Variants in PCF11 observed in about 807,000 individuals in gnomAD.
PCF11 encodes PCF11 cleavage and polyadenylation factor subunit.
In PCF11, 19 loss-of-function variants were observed where a neutral mutation model predicts 166.1. The observed-to-expected ratio is 0.11, with a 90% CI of 0.08 to 0.17. The LOEUF (loss-of-function observed/expected upper bound fraction) is 0.17. PCF11 is among the 10% of genes least tolerant of loss of function. The pLI is 1.00. For missense variants in PCF11, 1,565 were observed against 1,855.5 expected, an observed-to-expected ratio of 0.84 and a Z score of 2.88; for synonymous variants, 663 against 644.1, an observed-to-expected ratio of 1.03 and a Z score of -0.44.
At chr11:83,162,820 G>C (rs2135418362) in intron 2 of PCF11, among the ~76,000 whole-genome samples, 1 of 152,246 alleles carries the variant, frequency 6.6e-6, no homozygotes, top group Non-Finnish European at 1.5e-5. Flanking sequence ...TGTTGCCCAA[G>C]CTGGAGTGCA....
exon 8 of PCF11, chr11:83,169,305 G>T (rs771713621): frequency 1.3e-5 from 21 of 1,611,632 alleles, no homozygotes; most frequent in Non-Finnish European, 1.7e-5. Flanking sequence ...GTCAGCCAGG[G>T]GTTGGTATCA....
chr11:83,164,017 G>A (rs571181701), intron 3 of PCF11, 150 bp downstream of exon 3: 6 of 607,274 alleles, frequency 9.9e-6, no homozygotes, highest in African/African-American at 7.6e-5. Context: ...TATATGTTTG[G>A]AATTTTTATT....
exon 8 of PCF11, chr11:83,168,942 A>AGGCCAGCCTGTGGGT: frequency 6.2e-7 from 1 of 1,613,484 alleles, no homozygotes; most frequent in Non-Finnish European, 8.5e-7. Flanking sequence ...AGGGACCAGG[A>AGGCCAGCCTGTGGGT]GGCCAGCCTG....
At chr11:83,181,398 GTA>G (rs1162685777) in intron 12 of PCF11, among the ~76,000 whole-genome samples, 1 of 149,398 alleles carries the variant, frequency 6.7e-6, no homozygotes, top group East Asian at 1.9e-4. Flanking sequence ...ATTTTGAAGA[GTA>G]TTTTTTTTTT....
rs1860249346 is a variant in PCF11 at position 83,161,460 on chromosome 11, T to C, written c.318+8T>C. On this transcript the variant is annotated splice_region_variant and intron_variant, in intron 2 of 15. Coordinates refer to ENST00000298281, the Ensembl canonical transcript of PCF11. ...ATTTGTGTGTTTGAAAAGGTACATA[T>C]GCATTTAGAAACATTTGCGTTTTTT... The C allele has an allele frequency of 1.9e-6, 3 of 1,552,906 alleles. No individual in the cohort carries two copies. Among genetic ancestry groups the C allele is most frequent in the South Asian group, 2.4e-5 (2 of 81,902 alleles).
chr11:83,184,448 T>C (rs1861199865), intron 15 of PCF11: 1 of 460,954 alleles, frequency 2.2e-6, no homozygotes, highest in South Asian at 2.6e-5. Flanking sequence ...TATAATGTCC[T>C]ATAACTTAGC....
exon 16 of PCF11, chr11:83,184,936 C>T (rs1020104807): frequency 1.3e-5 from 18 of 1,363,872 alleles, no homozygotes; most frequent in Non-Finnish European, 1.6e-5. Flanking sequence ...AAAAAAGCTG[C>T]TGTTGGATCT....
chr11:83,177,342 T>G lies in PCF11; in HGVS notation c.3877+138T>G. 4.4e-6 allele frequency: 3 copies of G among 686,492 alleles called. No individual in the cohort carries two copies. The South Asian group carries it at 1.1e-4, about 25-fold the overall frequency. 42.5% of individuals were successfully genotyped at this position (686,492 alleles called of 1,614,324 possible). A position where few individuals can be genotyped will look rare whatever the true frequency, so the allele number is the denominator to read the frequency against. ...TAGGTATAGCTTTTATTTTTGATTT[T>G]CGGTTTATAATGAAATTCTTTTAGA... is the stretch of plus-strand genomic sequence containing the variant. On this transcript the variant is annotated intron_variant, in intron 10 of 15. Transcript: ENST00000298281.
At chr11:83,181,780 G>A in intron 12 of PCF11, 74 bp from the exon 13 acceptor site, 1 of 1,003,364 alleles carries the variant, frequency 1.0e-6, no homozygotes, top group Admixed American at 3.2e-5. Flanking sequence ...CCTTTAAATG[G>A]CATTATATTG....
At chr11:83,171,823 G>T in exon 9 of PCF11, 1 of 1,558,642 alleles carries the variant, frequency 6.4e-7, no homozygotes, top group Non-Finnish European at 8.8e-7. Flanking sequence ...TAAAGGTTCT[G>T]AGTGGTGTTG....
intron 2 of PCF11, among the ~76,000 whole-genome samples, chr11:83,162,368 ATAAG>A (rs1474680800): frequency 6.6e-6 from 1 of 152,244 alleles, no homozygotes; most frequent in African/African-American, 2.4e-5. Flanking sequence ...TTATTAGAAA[ATAAG>A]TAGTTGCTAT....
At chr11:83,168,601 A>C in exon 8 of PCF11, 1 of 1,613,902 alleles carries the variant, frequency 6.2e-7, no homozygotes, top group Non-Finnish European at 8.5e-7. Flanking sequence ...TGATGGACCT[A>C]GTAGGCCATC....
At chr11:83,157,244 A>T (rs994347098) in exon 1 of PCF11, 6 of 595,664 alleles carry the variant, frequency 1.0e-5, no homozygotes, top group African/African-American at 1.9e-5. Context: ...GTGGACGGAG[A>T]TCACCCGCGA....
At chr11:83,178,982 T>C in intron 11 of PCF11, among the ~76,000 whole-genome samples, 1 of 152,236 alleles carries the variant, frequency 6.6e-6, no homozygotes, top group East Asian at 1.9e-4. Context: ...TAAAAAACAT[T>C]TAAAGATTTT....
intron 2 of PCF11, 27 bp downstream of exon 2, chr11:83,161,479 GTTT>G: frequency 4.1e-6 from 6 of 1,473,786 alleles, no homozygotes; most frequent in Non-Finnish European, 4.5e-6. Context: ...AAACATTTGC[GTTT>G]TTTTTTAAAA....
At chr11:83,160,028 T>G (rs1590918680) in intron 1 of PCF11, among the ~76,000 whole-genome samples, 2 of 152,202 alleles carry the variant, frequency 1.3e-5, no homozygotes, top group African/African-American at 4.8e-5. Context: ...ATGTTCGTAC[T>G]TAATATAGTT....
intron 9 of PCF11, among the ~76,000 whole-genome samples, chr11:83,172,568 G>A (rs529754873): frequency 3.3e-5 from 5 of 152,058 alleles, no homozygotes; most frequent in African/African-American, 9.7e-5. Context: ...GACTACAGGC[G>A]TGTGCCACCA....
At chr11:83,179,336 G>A (rs536884442) in intron 11 of PCF11, among the ~76,000 whole-genome samples, 22 of 151,042 alleles carry the variant, frequency 1.5e-4, no homozygotes, top group African/African-American at 4.9e-4. Context: ...TGCAACCTCC[G>A]CCTCCCAGGT....
Position 83,167,572 on chromosome 11 carries a change from C to G in PCF11, c.2092+67C>G. ...AATAAAGGTGGATTAAAAAAGAAAC[C>G]TCTCTTATCTGATGCTGAATTAACC... On this transcript the variant is annotated intron_variant, in intron 7 of 15. Coordinates refer to ENST00000298281, the Ensembl canonical transcript of PCF11. This position sits in a 1 kb window ranked among gnomAD's most constrained non-coding sequence, Gnocchi z 4.2. The G allele has an allele frequency of 1.3e-6, 2 of 1,558,982 alleles. No homozygotes were observed. Among genetic ancestry groups the G allele is most frequent in the Non-Finnish European group, 1.7e-6 (2 of 1,151,674 alleles).
Sources: allele counts gnomAD v4.1 joint callset (sites outside exome capture counted in the v4.1 genomes callset), GRCh38; gene constraint gnomAD v4.1.1; non-coding constraint Gnocchi (gnomAD v3.1); transcripts MANE v1.5; gene names NCBI Gene and HGNC (gene_info 2026-07-23, HGNC 2026-07-21).